Variants in KATNA1 observed in about 807,000 individuals in gnomAD.
The protein encoded by KATNA1 is katanin catalytic subunit A1.
In KATNA1, 42 loss-of-function variants were observed where a neutral mutation model predicts 62.6. The ratio of observed to expected loss-of-function variants is 0.67; its 90% CI spans 0.52 to 0.87. The LOEUF is 0.87. Among genes scored for constraint, KATNA1 ranks in the 40% least tolerant of loss-of-function variants. The pLI is 0.00. For synonymous variants in KATNA1, 186 were observed against 201.9 expected (o/e 0.92, Z 0.67); for missense variants, 498 against 612.5 (o/e 0.81, Z 1.97).
chr6:149,645,983 T>C (rs1329021342), intron 1 of KATNA1, among the ~76,000 whole-genome samples: 1 of 152,144 alleles, frequency 6.6e-6, no homozygotes, highest in Admixed American at 6.6e-5. Flanking sequence ...ATTCTCTCTC[T>C]AAACAACAAA....
At chr6:149,642,199 C>T (rs1780317868) in intron 1 of KATNA1, among the ~76,000 whole-genome samples, 1 of 152,306 alleles carries the variant, frequency 6.6e-6, no homozygotes, top group South Asian at 2.1e-4. Flanking sequence ...ATGCGCCTGG[C>T]CGAGAGACCT....
chr6:149,599,483 C>G (rs1010044705), intron 7 of KATNA1, among the ~76,000 whole-genome samples: 2 of 152,050 alleles, frequency 1.3e-5, no homozygotes, highest in Non-Finnish European at 2.9e-5. Context: ...TAGAGGACAC[C>G]AATTGGTTCT....
intron 4 of KATNA1, among the ~76,000 whole-genome samples, chr6:149,606,197 G>C (rs1420274267): frequency 6.6e-6 from 1 of 152,140 alleles, no homozygotes; most frequent in Non-Finnish European, 1.5e-5. Flanking sequence ...TGTGTAACAG[G>C]GCCCAATAGG....
At chr6:149,626,578 G>A (rs1292612503) in intron 3 of KATNA1, among the ~76,000 whole-genome samples, 6 of 150,930 alleles carry the variant, frequency 4.0e-5, no homozygotes, top group Admixed American at 6.6e-5. Context: ...CACCGCGCCC[G>A]GCCAACATTT....
chr6:149,615,206 GA>G (rs1359188648), intron 4 of KATNA1, among the ~76,000 whole-genome samples: 6 of 145,110 alleles, frequency 4.1e-5, no homozygotes, highest in Admixed American at 1.4e-4. Flanking sequence ...TTTTTGTTTT[GA>G]TTTTTTTTTT....
intron 4 of KATNA1, among the ~76,000 whole-genome samples, chr6:149,622,807 C>A (rs1275810634): frequency 1.3e-5 from 2 of 151,036 alleles, no homozygotes; most frequent in African/African-American, 2.4e-5. Context: ...GTAAAGAGTT[C>A]GAGACTAGCC....
intron 4 of KATNA1, among the ~76,000 whole-genome samples, chr6:149,612,542 C>T (rs920111812): frequency 5.3e-5 from 8 of 152,082 alleles, no homozygotes; most frequent in Admixed American, 5.2e-4. Context: ...TAAATCAATT[C>T]TACACAAACT....
chr6:149,639,324 G>A (rs565844376), intron 1 of KATNA1, among the ~76,000 whole-genome samples: 3 of 151,698 alleles, frequency 2.0e-5, no homozygotes, highest in South Asian at 2.1e-4. Context: ...AAACAGGCCC[G>A]GTGCGGTGGC....
chr6:149,640,378 G>T (rs1354930892), intron 1 of KATNA1, among the ~76,000 whole-genome samples: 5 of 151,840 alleles, frequency 3.3e-5, no homozygotes, highest in Admixed American at 2.0e-4. Context: ...GATTACCTGA[G>T]CCTGGGGAGG....
intron 4 of KATNA1, among the ~76,000 whole-genome samples, chr6:149,616,744 ACT>A (rs1285107681): frequency 6.6e-6 from 1 of 152,030 alleles, no homozygotes; most frequent in Non-Finnish European, 1.5e-5. Context: ...ACAGAGCAAG[ACT>A]CTGTCTTAAA....
At chr6:149,597,393 A>G (rs1458047626) in intron 9 of KATNA1, 114 bp downstream of exon 9, 41 of 1,322,176 alleles carry the variant, frequency 3.1e-5, no homozygotes, top group Non-Finnish European at 4.2e-5. Flanking sequence ...ACTGTAAAGG[A>G]AGATACTCCT....
rs549137861 is a variant in KATNA1, at chr6:149,612,118, G to A, written c.502-7336C>T. Reference sequence around the variant, plus strand: ...AACTACCACAACTCACCTAATAAAAGAAGATAATCTGAACAGTACCATAAC... The same window carrying A: ...AACTACCACAACTCACCTAATAAAAAAAGATAATCTGAACAGTACCATAAC... On this transcript the variant is annotated intron_variant, in intron 4 of 10. Transcript: ENST00000367411. Among the ~76,000 whole-genome samples, 6 of 152,252 alleles carry A rather than the reference G, an allele frequency of 3.9e-5. No individual in the cohort carries two copies. The South Asian group carries it at 1.2e-3, about 32-fold the overall frequency.
At chr6:149,636,807 A>AT (rs544575547) in intron 2 of KATNA1, among the ~76,000 whole-genome samples, 1 of 151,510 alleles carries the variant, frequency 6.6e-6, no homozygotes, top group African/African-American at 2.4e-5. Context: ...TACCCAGCTA[A>AT]TTTTTTTGTA....
chr6:149,616,461 C>CA (rs967892969), intron 4 of KATNA1, among the ~76,000 whole-genome samples: 3 of 152,234 alleles, frequency 2.0e-5, no homozygotes, highest in South Asian at 2.1e-4. Flanking sequence ...TGTCATTCTT[C>CA]AAAAAATTAA....
intron 1 of KATNA1, among the ~76,000 whole-genome samples, chr6:149,639,166 G>A (rs1780189816): frequency 6.6e-6 from 1 of 152,116 alleles, no homozygotes. Context: ...GGGCGTGGTG[G>A]CACATGCCTA....
intron 1 of KATNA1, among the ~76,000 whole-genome samples, chr6:149,642,525 G>A (rs1287885452): frequency 1.3e-5 from 2 of 152,104 alleles, no homozygotes. Context: ...AAATCAAGTA[G>A]AGTCAATCTA....
At position 149,597,564 on chromosome 6, in the gene KATNA1, T is replaced by C; in HGVS notation, c.1093A>G (p.Ile365Val). Residue 365 changes from isoleucine (I) to valine (V), a missense_variant, in exon 9 of 11, where the codon ATA becomes GTA. Physicochemically the swap from Ile to Val is conservative, Grantham distance 29. Coordinates refer to ENST00000367411, the MANE Select transcript of KATNA1 (RefSeq NM_007044.4). ...VLAATNFPWD[I>V]DEALRRRLEK... ...AGGCGTCGTCTTAAAGCCTCATCTA[T>C]ATCCCAGGGAAAATTAGTAGCTGCC... is the stretch of plus-strand genomic sequence containing the variant. The C allele has an allele frequency of 6.2e-7, 1 of 1,614,062 alleles. No individual in the cohort carries two copies. The highest frequency in any genetic ancestry group is 1.1e-5 in the South Asian group (1 of 91,076).
intron 4 of KATNA1, among the ~76,000 whole-genome samples, chr6:149,622,378 T>C (rs1300478657): frequency 2.0e-5 from 3 of 152,122 alleles, no homozygotes; most frequent in Non-Finnish European, 2.9e-5. Context: ...ACTCAGGATA[T>C]ACATTCTGAA....
At chr6:149,639,995 T>C (rs1780220797) in intron 1 of KATNA1, among the ~76,000 whole-genome samples, 2 of 152,206 alleles carry the variant, frequency 1.3e-5, no homozygotes, top group African/African-American at 4.8e-5. Context: ...CGTATGTATT[T>C]TGAAGTTAGA....
Sources: allele counts gnomAD v4.1 joint callset (sites outside exome capture counted in the v4.1 genomes callset), GRCh38; gene constraint gnomAD v4.1.1; transcripts MANE v1.5; gene names NCBI Gene and HGNC (gene_info 2026-07-23, HGNC 2026-07-21).